Variants in CCSER1 observed in about 807,000 individuals in gnomAD.
CCSER1 encodes coiled-coil serine rich protein 1, also known as serine-rich coiled-coil domain-containing protein 1.
Under a neutral mutation model 82.0 loss-of-function variants are expected in CCSER1, and 41 were observed. The ratio of observed to expected loss-of-function variants is 0.50; its 90% CI spans 0.39 to 0.65. CCSER1 has a LOEUF of 0.65. CCSER1 is among the 30% of genes least tolerant of loss of function. CCSER1 has a pLI of 0.00. For synonymous variants in CCSER1, 414 were observed against 383.9 expected (o/e 1.08, Z -0.92); for missense variants, 1,119 against 1,064.2 (o/e 1.05, Z -0.72).
chr4:91,501,263 T>G (rs1759197846), intron 10 of CCSER1, among the ~76,000 whole-genome samples: 1 of 152,026 alleles, frequency 6.6e-6, no homozygotes, highest in East Asian at 1.9e-4. Flanking sequence ...CCCATTCCTT[T>G]TTGTTGTTGT....
chr4:91,179,156 T>C (rs1733731950), intron 10 of CCSER1, among the ~76,000 whole-genome samples: 1 of 152,230 alleles, frequency 6.6e-6, no homozygotes, highest in Non-Finnish European at 1.5e-5. Context: ...TTATAGAGTT[T>C]CTGCCAAGAG....
chr4:91,347,157 A>G (rs931262564), intron 10 of CCSER1, among the ~76,000 whole-genome samples: 1 of 152,112 alleles, frequency 6.6e-6, no homozygotes, highest in East Asian at 1.9e-4. Context: ...ATTTTGAGTT[A>G]ATTTTGTGAA....
chr4:90,212,405 T>G (rs1470161160), intron 1 of CCSER1, among the ~76,000 whole-genome samples: 5 of 152,190 alleles, frequency 3.3e-5, no homozygotes, highest in Admixed American at 3.3e-4. Context: ...AATTCCATCT[T>G]AAGGGACTTT....
chr4:90,752,591 G>A (rs543739469), intron 7 of CCSER1, among the ~76,000 whole-genome samples: 15 of 152,140 alleles, frequency 9.9e-5, no homozygotes, highest in Admixed American at 4.6e-4. Flanking sequence ...CTTCCTGGGA[G>A]GTGAAAGCGT....
intron 10 of CCSER1, among the ~76,000 whole-genome samples, chr4:91,148,023 C>G (rs1729718407): frequency 6.6e-6 from 1 of 151,976 alleles, no homozygotes; most frequent in Admixed American, 6.6e-5. Flanking sequence ...ACCTAGAATT[C>G]AAGATTATTT....
chr4:90,934,455 C>A (rs1443071000), intron 9 of CCSER1, among the ~76,000 whole-genome samples: 1 of 122,560 alleles, frequency 8.2e-6, no homozygotes, highest in East Asian at 2.1e-4. Context: ...ATATTTTCTT[C>A]TTTTGCCCCT....
At chr4:90,817,927 T>G (rs1456680210) in intron 8 of CCSER1, among the ~76,000 whole-genome samples, 1 of 152,154 alleles carries the variant, frequency 6.6e-6, no homozygotes, top group Admixed American at 6.5e-5. Context: ...TTACTTACAT[T>G]GAAAATTTCA....
intron 2 of CCSER1, among the ~76,000 whole-genome samples, chr4:90,312,097 T>G (rs1190035176): frequency 6.6e-6 from 1 of 152,192 alleles, no homozygotes; most frequent in Non-Finnish European, 1.5e-5. Context: ...AGGTAACATA[T>G]TGGTAAAGGT....
rs146143796 is a variant in CCSER1, at chr4:90,465,743, G to C, written c.1604-2491G>C. Among the ~76,000 whole-genome samples the C allele has an allele frequency of 5.1e-3, 776 of 152,252 alleles. 8 individuals carry two copies. Among genetic ancestry groups the C allele is most frequent in the African/African-American group, 0.018 (741 of 41,546 alleles). ...ATGTGTGTGTGTCACTGATCATGAT[G>C]TACCTCTTTTGTTTACATAGTGGTT... On this transcript the variant is annotated intron_variant, in intron 4 of 10. Coordinates refer to ENST00000509176, the MANE Select transcript of CCSER1 (RefSeq NM_001145065.2).
At chr4:90,864,630 G>T (rs1242388663) in intron 8 of CCSER1, among the ~76,000 whole-genome samples, 3 of 151,936 alleles carry the variant, frequency 2.0e-5, no homozygotes, top group African/African-American at 7.2e-5. Context: ...CCAGTTTGTG[G>T]TATTCTCTTA....
intron 9 of CCSER1, among the ~76,000 whole-genome samples, chr4:91,039,399 A>G (rs930640698): frequency 1.1e-4 from 17 of 152,264 alleles, no homozygotes; most frequent in African/African-American, 3.9e-4. Flanking sequence ...AAGTTATAGT[A>G]GTATACAACA....
At chr4:90,882,605 T>C (rs548751190) in intron 8 of CCSER1, among the ~76,000 whole-genome samples, 19 of 152,068 alleles carry the variant, frequency 1.2e-4, no homozygotes, top group Non-Finnish European at 2.5e-4. Context: ...CTAATTATAG[T>C]TAAAAGAGCC....
At chr4:91,081,690 A>C (rs1373886675) in intron 9 of CCSER1, among the ~76,000 whole-genome samples, 1 of 152,202 alleles carries the variant, frequency 6.6e-6, no homozygotes, top group African/African-American at 2.4e-5. Flanking sequence ...AAATCTCCTT[A>C]AGCTGATAAG....
rs1351965447 is a variant in CCSER1 at position 91,598,634 on chromosome 4, T to G, written c.2280T>G (p.His760Gln). ...NLSTRDRKAI[H>Q]TPTEDRFRYS... The stretch of plus-strand genomic sequence containing the variant: ...GCACAAGGGACAGAAAAGCAATACA[T>G]ACTCCCACCGAGGACCGTTTTAGGT... Residue 760 changes from histidine to glutamine, a missense_variant, in exon 11 of 11, where the codon CAT (histidine) becomes CAG (glutamine). Transcript: ENST00000509176. 4.0e-5 allele frequency: 62 copies of G among 1,551,216 alleles called. No homozygotes were observed. The East Asian group carries it at 1.5e-3, about 37-fold the overall frequency.
chr4:90,442,344 T>C (rs914498902), intron 4 of CCSER1, among the ~76,000 whole-genome samples: 1 of 152,098 alleles, frequency 6.6e-6, no homozygotes, highest in East Asian at 1.9e-4. Flanking sequence ...TGGCAATCAA[T>C]GACTTTTACT....
intron 10 of CCSER1, among the ~76,000 whole-genome samples, chr4:91,582,906 TG>T (rs1211752885): frequency 6.6e-6 from 1 of 151,466 alleles, no homozygotes; most frequent in Non-Finnish European, 1.5e-5. Context: ...TTATTTCAAC[TG>T]ATCATAAGGT....
chr4:90,173,490 C>A (rs1035552128), intron 1 of CCSER1, among the ~76,000 whole-genome samples: 1 of 151,894 alleles, frequency 6.6e-6, no homozygotes. Context: ...ATTGAATTGA[C>A]TTTATTCACT....
intron 3 of CCSER1, among the ~76,000 whole-genome samples, chr4:90,359,702 A>C (rs898796616): frequency 6.6e-6 from 1 of 151,886 alleles, no homozygotes; most frequent in Non-Finnish European, 1.5e-5. Flanking sequence ...TCACCACTGC[A>C]CTCCAGCCTG....
chr4:91,286,733 G>A (rs1472225440), intron 10 of CCSER1, among the ~76,000 whole-genome samples: 9 of 151,724 alleles, frequency 5.9e-5, no homozygotes, highest in African/African-American at 2.2e-4. Context: ...AATTACAGAA[G>A]CATGTAACTC....
Sources: allele counts gnomAD v4.1 joint callset (sites outside exome capture counted in the v4.1 genomes callset), GRCh38; gene constraint gnomAD v4.1.1; transcripts MANE v1.5; gene names NCBI Gene and HGNC (gene_info 2026-07-23, HGNC 2026-07-21).